Variants in ACMSD observed in about 807,000 individuals in gnomAD.
ACMSD encodes 2-amino-3-carboxymuconate-6-semialdehyde decarboxylase.
In ACMSD, 37 loss-of-function variants were observed where a neutral mutation model predicts 45.9. The observed-to-expected ratio is 0.81, with a 90% CI of 0.62 to 1.06. The LOEUF is 1.06. Ranked by LOEUF, ACMSD falls within the 50% of genes least tolerant of loss-of-function variation. The pLI, the probability that ACMSD is intolerant of heterozygous loss-of-function variation, is 0.00. For synonymous variants in ACMSD, 138 were observed against 148.8 expected, an observed-to-expected ratio of 0.93 and a Z score of 0.53; for missense variants, 434 against 420.9, an observed-to-expected ratio of 1.03 and a Z score of -0.27.
intron 8 of ACMSD, chr2:134,877,767 T>C (rs1027320819): frequency 1.3e-5 from 2 of 152,196 alleles, no homozygotes; most frequent in African/African-American, 2.4e-5. Flanking sequence ...ATCCTTTTTA[T>C]GACCTAGAGT....
At chr2:134,860,037 T>C (rs550392777) in intron 3 of ACMSD, among the ~76,000 whole-genome samples, 2 of 152,208 alleles carry the variant, frequency 1.3e-5, no homozygotes, top group African/African-American at 4.8e-5. Context: ...CCAAGGCAGG[T>C]GGATCACCTG....
At chr2:134,853,169 A>C in intron 2 of ACMSD, among the ~76,000 whole-genome samples, 1 of 137,296 alleles carries the variant, frequency 7.3e-6, no homozygotes, top group East Asian at 2.7e-4. Context: ...TCTCAATCTA[A>C]AAAAAAAAAA....
At chr2:134,845,820 A>G (rs1284257533) in intron 2 of ACMSD, among the ~76,000 whole-genome samples, 3 of 152,180 alleles carry the variant, frequency 2.0e-5, no homozygotes, top group African/African-American at 7.2e-5. Context: ...CCCAAGAGTG[A>G]GCTGGGAGTC....
chr2:134,875,591 G>C (rs1688694134), intron 8 of ACMSD, among the ~76,000 whole-genome samples: 1 of 152,132 alleles, frequency 6.6e-6, no homozygotes, highest in Non-Finnish European at 1.5e-5. Flanking sequence ...GATTTTTAAA[G>C]ACGGATACAA....
chr2:134,846,989 CAAGTGGTA>C (rs1307688412), intron 2 of ACMSD, among the ~76,000 whole-genome samples: 3 of 152,066 alleles, frequency 2.0e-5, no homozygotes, highest in Non-Finnish European at 4.4e-5. Context: ...CAAAGGCCAC[CAAGTGGTA>C]AAGAGTTGAT....
chr2:134,887,653 C>T (rs183584364), intron 8 of ACMSD, among the ~76,000 whole-genome samples: 2 of 152,336 alleles, frequency 1.3e-5, no homozygotes, highest in Admixed American at 6.5e-5. Context: ...ATCCTCCCAC[C>T]TTGGCCTCCC....
At chr2:134,853,954 C>T (rs1167125473) in intron 2 of ACMSD, among the ~76,000 whole-genome samples, 1 of 152,242 alleles carries the variant, frequency 6.6e-6, no homozygotes, top group South Asian at 2.1e-4. Flanking sequence ...ACTACATAGA[C>T]ACCCATCACC....
Position 134,901,948 on chromosome 2 carries a change from T to C in ACMSD, c.*88T>C. 1 of 886,050 alleles carries C rather than the reference T, an allele frequency of 1.1e-6. No individual in the cohort carries two copies. The highest frequency in any genetic ancestry group is 1.7e-6 in the Non-Finnish European group (1 of 583,526). The allele number at this position is 886,050 out of a possible 1,614,324, so 54.9% of individuals were successfully genotyped here. A position where few individuals can be genotyped will look rare whatever the true frequency, so the allele number is the denominator to read the frequency against. On this transcript the variant is annotated 3_prime_UTR_variant, in exon 10 of 10. Coordinates refer to ENST00000356140, the MANE Select transcript of ACMSD (RefSeq NM_138326.3). ...CAACAGGTATCAACAAAATCCTATT[T>C]TGAACTATTTTACTCAGAAATGAAT...
At chr2:134,881,056 G>A (rs1284077098) in intron 8 of ACMSD, among the ~76,000 whole-genome samples, 1 of 152,222 alleles carries the variant, frequency 6.6e-6, no homozygotes, top group Non-Finnish European at 1.5e-5. Context: ...CTGGAGTGCA[G>A]TGGCATGATC....
chr2:134,862,135 T>A, intron 4 of ACMSD, 117 bp downstream of exon 4: 1 of 1,087,494 alleles, frequency 9.2e-7, no homozygotes. Flanking sequence ...CCAACAACTG[T>A]CCTCCCCTTT....
At position 134,859,318 on chromosome 2, in the gene ACMSD, T is replaced by C. The variant is rs1431432230; in HGVS notation, c.160T>C (p.Trp54Arg). 4 of 1,614,160 alleles carry C rather than the reference T, an allele frequency of 2.5e-6. No individual in the cohort carries two copies. In the South Asian group the frequency reaches 4.4e-5, roughly 18 times the overall value. ...KVFRVVRENC[W>R]DPEVRIREMD... ...CTTCAGAGTGGTGCGAGAGAATTGC[T>C]GGGATCCAGAAGTTCGTATTAGAGA... Residue 54 changes from tryptophan (W) to arginine (R), a missense_variant, in exon 3 of 10, where the codon TGG becomes CGG. Transcript: ENST00000356140.
At chr2:134,897,250 G>T (rs570300600) in intron 8 of ACMSD, among the ~76,000 whole-genome samples, 35 of 152,118 alleles carry the variant, frequency 2.3e-4, no homozygotes, top group African/African-American at 8.2e-4. Flanking sequence ...TCCTGAAATA[G>T]ACTGTATATA....
chr2:134,884,122 T>C (rs1411661925), intron 8 of ACMSD, among the ~76,000 whole-genome samples: 1 of 152,142 alleles, frequency 6.6e-6, no homozygotes, highest in East Asian at 1.9e-4. Context: ...CAAATACAAG[T>C]ACATACAATT....
intron 9 of ACMSD, among the ~76,000 whole-genome samples, chr2:134,898,880 G>A (rs765025956): frequency 5.9e-5 from 9 of 151,464 alleles, no homozygotes; most frequent in Non-Finnish European, 1.3e-4. Flanking sequence ...TTTTTTTCCC[G>A]GCGTTTGACT....
intron 5 of ACMSD, 92 bp downstream of exon 5, chr2:134,863,723 C>T: frequency 7.6e-7 from 1 of 1,313,198 alleles, no homozygotes; most frequent in Non-Finnish European, 1.1e-6. Flanking sequence ...TGAAGCGTCA[C>T]CCCACTGGGA....
chr2:134,894,472 T>G (rs1333736072), intron 8 of ACMSD, among the ~76,000 whole-genome samples: 1 of 152,156 alleles, frequency 6.6e-6, no homozygotes, highest in African/African-American at 2.4e-5. Context: ...TTAATAATTT[T>G]CAATCTTCCC....
At chr2:134,842,902 G>A (rs1481677087) in intron 1 of ACMSD, among the ~76,000 whole-genome samples, 1 of 152,282 alleles carries the variant, frequency 6.6e-6, no homozygotes, top group Admixed American at 6.5e-5. Flanking sequence ...TCCTTCCCCA[G>A]ATGGAATACT....
chr2:134,867,127 G>A (rs1688134358), intron 5 of ACMSD, among the ~76,000 whole-genome samples: 1 of 152,176 alleles, frequency 6.6e-6, no homozygotes, highest in Non-Finnish European at 1.5e-5. Context: ...GAAAAGGAGG[G>A]GGCACTCTCG....
intron 8 of ACMSD, among the ~76,000 whole-genome samples, chr2:134,886,356 C>T (rs1483489653): frequency 6.7e-6 from 1 of 150,052 alleles, no homozygotes; most frequent in Non-Finnish European, 1.5e-5. Flanking sequence ...TCACGCCATT[C>T]TCCTGCCTCA....
Sources: gnomAD v4.1 joint callset for allele counts (sites outside exome capture counted in the v4.1 genomes callset) on GRCh38, gnomAD v4.1.1 for gene constraint, MANE v1.5 for transcripts, NCBI Gene and HGNC (gene_info 2026-07-23, HGNC 2026-07-21) for gene names.